The following MAML1 variants were observed in gnomAD, a reference collection of about 807,000 sequenced individuals.
MAML1 encodes mastermind like transcriptional coactivator 1.
Under a neutral mutation model 77.1 loss-of-function variants are expected in MAML1, and 14 were observed. That is an observed-to-expected ratio of 0.18 (90% CI 0.12 to 0.28). The LOEUF (loss-of-function observed/expected upper bound fraction) is 0.28, where lower values mean the gene tolerates loss of function less well. Ranked by LOEUF, MAML1 falls within the 10% of genes least tolerant of loss-of-function variation. The pLI is 1.00. For synonymous variants in MAML1, 516 were observed against 551.9 expected (o/e 0.93, Z 0.91); for missense variants, 1,217 against 1,327.8 (o/e 0.92, Z 1.30).
chr5:179,761,250 C>T (rs1779720445), intron 1 of MAML1, among the ~76,000 whole-genome samples: 1 of 151,872 alleles, frequency 6.6e-6, no homozygotes, highest in Admixed American at 6.6e-5. Context: ...AAAAATTAGC[C>T]AGTTATGGTG....
chr5:179,773,260 A>T (rs1009125158), intron 4 of MAML1, among the ~76,000 whole-genome samples: 2 of 152,190 alleles, frequency 1.3e-5, no homozygotes, highest in African/African-American at 4.8e-5. Context: ...ATCTCTAACC[A>T]GCTGGCCACT....
chr5:179,769,491 G>A lies in MAML1; in HGVS notation c.1971+402G>A, dbSNP rs989500638. ...AGAGGGAAGTGAAGTCATCCCTGAG[G>A]GAAACACAGTTCACTCGCTTGGTTA... On this transcript the variant is annotated intron_variant, in intron 3 of 4. Transcript: ENST00000292599. This position sits in a 1 kb window ranked among gnomAD's most constrained non-coding sequence, Gnocchi z 4.2. 6.6e-6 allele frequency among the ~76,000 whole-genome samples: 1 copy of A among 152,122 alleles called. No individual in the cohort carries two copies. The highest frequency in any genetic ancestry group is 1.5e-5 in the Non-Finnish European group (1 of 68,022).
chr5:179,755,621 C>A (rs1297802894), intron 1 of MAML1, among the ~76,000 whole-genome samples: 1 of 151,938 alleles, frequency 6.6e-6, no homozygotes. Context: ...GCTTGTCCAG[C>A]CTGCGGCCGA....
chr5:179,744,658 C>T (rs146349476), intron 1 of MAML1, among the ~76,000 whole-genome samples: 350 of 151,764 alleles, frequency 2.3e-3, no homozygotes, highest in Middle Eastern at 3.4e-3. Context: ...CTCAGCCTCC[C>T]GAGTAGCTAC....
At chr5:179,752,471 A>G (rs56227602) in intron 1 of MAML1, among the ~76,000 whole-genome samples, 67,159 of 147,530 alleles carry the variant, frequency 0.46, 16,568 homozygotes, top group South Asian at 0.61. Context: ...TAAAATTGGC[A>G]CCATCTGTTT....
Position 179,769,171 on chromosome 5 carries a change from T to C in MAML1, c.1971+82T>C. ...CACTGCTACAGTCACACCTTCTGCT[T>C]GTGCGTGTGGATTTGCGCAGACTTG... On this transcript the variant is annotated intron_variant, in intron 3 of 4. Transcript: ENST00000292599. This position sits in a 1 kb window ranked among gnomAD's most constrained non-coding sequence, Gnocchi z 4.2. 5 of 1,568,110 alleles carry C rather than the reference T, an allele frequency of 3.2e-6. No individual in the cohort carries two copies. Among genetic ancestry groups the C allele is most frequent in the South Asian group, 1.2e-5 (1 of 84,068 alleles).
At chr5:179,744,618 C>T (rs1466144143) in intron 1 of MAML1, among the ~76,000 whole-genome samples, 2 of 151,576 alleles carry the variant, frequency 1.3e-5, no homozygotes, top group African/African-American at 4.9e-5. Context: ...CTCACTGCAA[C>T]CTCCGCCTCC....
chr5:179,752,699 C>T (rs1238826992), intron 1 of MAML1, among the ~76,000 whole-genome samples: 5 of 150,042 alleles, frequency 3.3e-5, no homozygotes, highest in South Asian at 2.1e-4. Context: ...CTCCGCCTCC[C>T]GGGTTCACGC....
chr5:179,760,197 T>C (rs1322987810), intron 1 of MAML1, among the ~76,000 whole-genome samples: 5 of 152,096 alleles, frequency 3.3e-5, no homozygotes, highest in African/African-American at 4.8e-5. Context: ...CAGACACTTA[T>C]CAAGTGCTGG....
intron 1 of MAML1, among the ~76,000 whole-genome samples, chr5:179,761,908 TTGCCATAGATCAAGG>T (rs758309027): frequency 6.6e-6 from 1 of 152,162 alleles, no homozygotes; most frequent in Non-Finnish European, 1.5e-5. Context: ...GTAATCCATA[TTGCCATAGATCAAGG>T]TGCTGGCTCT....
At chr5:179,761,043 G>A (rs944345390) in intron 1 of MAML1, among the ~76,000 whole-genome samples, 8 of 151,502 alleles carry the variant, frequency 5.3e-5, no homozygotes, top group Admixed American at 4.6e-4. Flanking sequence ...GCAGTGAGCC[G>A]AGATCGCGCC....
At chr5:179,744,599 C>T (rs1005045308) in intron 1 of MAML1, among the ~76,000 whole-genome samples, 3 of 150,748 alleles carry the variant, frequency 2.0e-5, no homozygotes, top group African/African-American at 7.3e-5. Context: ...TGTGGTGGCA[C>T]GATCTTGGCT....
At position 179,765,968 on chromosome 5, in the gene MAML1, G is replaced by T. The variant is rs747105579; in HGVS notation, c.958G>T (p.Gly320Trp). The T allele has an allele frequency of 6.2e-7, 1 of 1,613,644 alleles. No homozygotes were observed. Among genetic ancestry groups the T allele is most frequent in the Non-Finnish European group, 8.5e-7 (1 of 1,179,810 alleles). Residue 320 changes from glycine (G) to tryptophan (W), a missense_variant, in exon 2 of 5, where the codon GGG becomes TGG. By Grantham distance (184) the Gly-to-Trp change is radical (BLOSUM62 -2). Around this residue, in one of 3 missense-constraint regions of MAML1, gnomAD observed 884 missense variants for 949.3 expected, o/e 0.93. Coordinates refer to ENST00000292599, the MANE Select transcript of MAML1 (RefSeq NM_014757.5). Reference protein sequence around the residue: ...EQLGSPQVRAGSAGQTFLGPS... With the variant: ...EQLGSPQVRAWSAGQTFLGPS... ...GTTAGGCTCTCCACAAGTGAGGGCC[G>T]GGTCTGCAGGGCAGACCTTTCTGGG...
chr5:179,748,240 G>A lies in MAML1; in HGVS notation c.315+14813G>A, dbSNP rs556291418. On this transcript the variant is annotated intron_variant, in intron 1 of 4. Coordinates refer to ENST00000292599, the MANE Select transcript of MAML1 (RefSeq NM_014757.5). ...TGGGACTACAGGTGCCTGCCACCAC[G>A]CCTGGCTAATTTTGTATTTTTAGTA... Among the ~76,000 whole-genome samples, 6 of 152,010 alleles carry A rather than the reference G, an allele frequency of 3.9e-5. No homozygotes were observed. In the East Asian group the frequency reaches 7.8e-4, roughly 20 times the overall value.
chr5:179,773,369 T>C (rs1222357700), intron 4 of MAML1, among the ~76,000 whole-genome samples: 3 of 152,246 alleles, frequency 2.0e-5, no homozygotes, highest in African/African-American at 7.2e-5. Context: ...ATGCTCTTTT[T>C]CCCCAAACTG....
At chr5:179,739,368 A>AGAACG (rs140913785) in intron 1 of MAML1, among the ~76,000 whole-genome samples, 11 of 151,676 alleles carry the variant, frequency 7.3e-5, no homozygotes, top group Non-Finnish European at 1.5e-4. Flanking sequence ...AGAATAGAAT[A>AGAACG]GAACGGAACG....
intron 3 of MAML1, among the ~76,000 whole-genome samples, chr5:179,770,365 G>A (rs1755957037): frequency 1.3e-5 from 2 of 152,122 alleles, no homozygotes; most frequent in African/African-American, 2.4e-5. Context: ...GGAGAATGGC[G>A]TGAACCTGGG....
At chr5:179,772,675 G>A (rs1014596984) in intron 4 of MAML1, among the ~76,000 whole-genome samples, 12 of 152,142 alleles carry the variant, frequency 7.9e-5, no homozygotes, top group Admixed American at 7.2e-4. Context: ...AATTTCCTGC[G>A]ACTCCTCCCT....
intron 1 of MAML1, among the ~76,000 whole-genome samples, chr5:179,763,935 G>T (rs976787986): frequency 6.6e-6 from 1 of 152,120 alleles, no homozygotes; most frequent in African/African-American, 2.4e-5. Context: ...GGACAAAAAC[G>T]TAATAAAGTA....
Sources: gnomAD v4.1 joint callset for allele counts (sites outside exome capture counted in the v4.1 genomes callset) on GRCh38, gnomAD v4.1.1 for gene constraint, gnomAD v4.1.1 regional missense constraint, Gnocchi (gnomAD v3.1) non-coding constraint, MANE v1.5 for transcripts, NCBI Gene and HGNC (gene_info 2026-07-23, HGNC 2026-07-21) for gene names.